The following SRPK2 variants were observed in gnomAD, a reference collection of about 807,000 sequenced individuals.
The protein encoded by SRPK2 is SFRS protein kinase 2.
Under a neutral mutation model 90.8 loss-of-function variants are expected in SRPK2, and 21 were observed. That is an observed-to-expected ratio of 0.23 (90% confidence interval 0.16 to 0.33). SRPK2 has a LOEUF of 0.33. SRPK2 is among the 10% of genes least tolerant of loss of function. SRPK2 has a pLI of 1.00. For missense variants in SRPK2, 620 were observed against 869.0 expected (o/e 0.71, Z 3.60); for synonymous variants, 288 against 311.1 (o/e 0.93, Z 0.78).
At chr7:105,205,576 C>G (rs965908650) in intron 2 of SRPK2, among the ~76,000 whole-genome samples, 4 of 141,452 alleles carry the variant, frequency 2.8e-5, no homozygotes, top group African/African-American at 1.1e-4. Context: ...CACACCACTT[C>G]CAGAATACAT....
At chr7:105,214,528 T>C (rs983408812) in intron 2 of SRPK2, among the ~76,000 whole-genome samples, 5 of 152,166 alleles carry the variant, frequency 3.3e-5, no homozygotes, top group African/African-American at 7.2e-5. Flanking sequence ...TGTCTATCAA[T>C]AGGAAACTTG....
At chr7:105,144,382 A>G (rs1204080489) in intron 9 of SRPK2, among the ~76,000 whole-genome samples, 1 of 151,794 alleles carries the variant, frequency 6.6e-6, no homozygotes, top group East Asian at 1.9e-4. Context: ...CCGGGATTAC[A>G]GACGTCCACC....
At chr7:105,213,308 G>A (rs959966764) in intron 2 of SRPK2, among the ~76,000 whole-genome samples, 4 of 152,126 alleles carry the variant, frequency 2.6e-5, no homozygotes, top group Admixed American at 6.6e-5. Flanking sequence ...CATAGAATAC[G>A]GTAGGGATTG....
chr7:105,163,984 G>A (rs987424856), intron 6 of SRPK2, among the ~76,000 whole-genome samples: 1 of 152,184 alleles, frequency 6.6e-6, no homozygotes, highest in African/African-American at 2.4e-5. Context: ...ATCAAGACAA[G>A]AGCAGAGCTT....
At chr7:105,307,993 T>G (rs912555560) in intron 2 of SRPK2, among the ~76,000 whole-genome samples, 1 of 152,184 alleles carries the variant, frequency 6.6e-6, no homozygotes, top group South Asian at 2.1e-4. Flanking sequence ...AAATAACATA[T>G]GCGAAAGTAT....
At chr7:105,122,719 G>A (rs1378703204) in intron 15 of SRPK2, among the ~76,000 whole-genome samples, 6 of 152,176 alleles carry the variant, frequency 3.9e-5, no homozygotes, top group South Asian at 4.2e-4. Flanking sequence ...TCAGGGAAAC[G>A]TGGATTTTAT....
chr7:105,147,460 G>A (rs1371296975), intron 7 of SRPK2, among the ~76,000 whole-genome samples: 1 of 152,118 alleles, frequency 6.6e-6, no homozygotes, highest in Non-Finnish European at 1.5e-5. Context: ...TGGGATTACA[G>A]GCGTATGCCA....
chr7:105,191,523 C>A (rs1794277993), intron 3 of SRPK2, among the ~76,000 whole-genome samples: 1 of 152,190 alleles, frequency 6.6e-6, no homozygotes, highest in Non-Finnish European at 1.5e-5. Flanking sequence ...ACACCACTGC[C>A]TTCCAGCCTA....
intron 2 of SRPK2, among the ~76,000 whole-genome samples, chr7:105,323,497 T>C (rs1357172133): frequency 6.6e-6 from 1 of 152,202 alleles, no homozygotes; most frequent in Non-Finnish European, 1.5e-5. Context: ...TATTCCGTGT[T>C]TGAGACACTG....
intron 2 of SRPK2, among the ~76,000 whole-genome samples, chr7:105,329,660 G>C (rs1211681573): frequency 1.3e-5 from 2 of 151,864 alleles, no homozygotes; most frequent in Non-Finnish European, 2.9e-5. Flanking sequence ...AAAGGGTACA[G>C]AAAATGAAGT....
intron 2 of SRPK2, among the ~76,000 whole-genome samples, chr7:105,344,880 T>TA (rs1816272729): frequency 6.7e-6 from 1 of 149,092 alleles, no homozygotes; most frequent in Non-Finnish European, 1.5e-5. Context: ...CTAACACCTG[T>TA]AATCCCAACA....
chr7:105,262,002 C>A (rs1804358993), intron 2 of SRPK2, among the ~76,000 whole-genome samples: 1 of 152,098 alleles, frequency 6.6e-6, no homozygotes, highest in Non-Finnish European at 1.5e-5. Context: ...CTCACTGACC[C>A]AGGTATGGAG....
At chr7:105,126,914 A>T in intron 14 of SRPK2, 79 bp downstream of exon 14, 1 of 1,399,786 alleles carries the variant, frequency 7.1e-7, no homozygotes, top group Non-Finnish European at 1.0e-6. Flanking sequence ...CTATTTCAGT[A>T]CAAAAATACA....
chr7:105,191,043 A>G (rs1441447050), intron 3 of SRPK2, among the ~76,000 whole-genome samples: 1 of 152,232 alleles, frequency 6.6e-6, no homozygotes, highest in Non-Finnish European at 1.5e-5. Context: ...CCACAATATA[A>G]GATACAAAAT....
chr7:105,183,659 T>G (rs373109353), intron 3 of SRPK2, among the ~76,000 whole-genome samples: 52 of 151,872 alleles, frequency 3.4e-4, no homozygotes, highest in African/African-American at 1.2e-3. Context: ...GCTAATTTTT[T>G]TGTATTTTTA....
intron 2 of SRPK2, among the ~76,000 whole-genome samples, chr7:105,387,281 C>T (rs2132810020): frequency 6.6e-6 from 1 of 152,304 alleles, no homozygotes; most frequent in South Asian, 2.1e-4. Flanking sequence ...GAATCCTAAA[C>T]ATTACAGTTC....
intron 3 of SRPK2, among the ~76,000 whole-genome samples, chr7:105,186,045 CTT>C (rs1793538072): frequency 6.6e-6 from 1 of 152,146 alleles, no homozygotes; most frequent in Non-Finnish European, 1.5e-5. Context: ...ACGAATATGT[CTT>C]TATCAGTCAA....
chr7:105,151,046 AC>A (rs1487265650), intron 7 of SRPK2, among the ~76,000 whole-genome samples: 1 of 152,170 alleles, frequency 6.6e-6, no homozygotes, highest in Non-Finnish European at 1.5e-5. Flanking sequence ...ACAATGATGC[AC>A]CTCATGACAA....
chr7:105,307,651 A>G (rs994016114), intron 2 of SRPK2, among the ~76,000 whole-genome samples: 1 of 151,956 alleles, frequency 6.6e-6, no homozygotes, highest in African/African-American at 2.4e-5. Flanking sequence ...ATATTAGTAA[A>G]TATGACTTCC....
Sources: gnomAD v4.1 joint callset for allele counts (sites outside exome capture counted in the v4.1 genomes callset) on GRCh38, gnomAD v4.1.1 for gene constraint, MANE v1.5 for transcripts, NCBI Gene and HGNC (gene_info 2026-07-23, HGNC 2026-07-21) for gene names.